Variants in HDAC4 observed in about 807,000 individuals in gnomAD.
HDAC4 encodes histone deacetylase 4, also known as histone deacetylase A.
HDAC4 carries 16 observed loss-of-function variants against 135.1 expected under a neutral mutation model. The observed-to-expected ratio is 0.12, with a 90% CI of 0.08 to 0.18. The LOEUF is 0.18. Among genes scored for constraint, HDAC4 ranks in the 10% least tolerant of loss-of-function variants. The pLI is 1.00. For synonymous variants in HDAC4, 685 were observed against 653.4 expected, an observed-to-expected ratio of 1.05 and a Z score of -0.74; for missense variants, 1,143 against 1,511.8, an observed-to-expected ratio of 0.76 and a Z score of 4.05.
rs202164452 is a variant in HDAC4 at position 239,082,180 on chromosome 2, G to C, written c.2574C>G (p.Ser858Arg). The change falls in exon 21 of 27, where the codon AGC becomes AGG. Residue 858 changes from serine to arginine, a missense_variant. Coordinates refer to ENST00000543185, the MANE Select transcript of HDAC4 (RefSeq NM_001378414.1). ...GGGACATGTACAGGACGCTGGGGTC[G>C]CTGTAGAAAGCCTGCTGGGTCCCGT... is the stretch of plus-strand genomic sequence containing the variant. ...HGNGTQQAFY[S>R]DPSVLYMSLH... 10 of 1,614,116 alleles carry C rather than the reference G, an allele frequency of 6.2e-6. No individual in the cohort carries two copies. The South Asian group carries it at 1.1e-4, about 18-fold the overall frequency.
chr2:239,263,681 C>T (rs1352624817), intron 2 of HDAC4, among the ~76,000 whole-genome samples: 1 of 152,204 alleles, frequency 6.6e-6, no homozygotes, highest in African/African-American at 2.4e-5. Context: ...TCAGGACAGT[C>T]AGGAAAGGCC....
intron 2 of HDAC4, among the ~76,000 whole-genome samples, chr2:239,249,334 C>T (rs866617115): frequency 2.6e-5 from 4 of 152,022 alleles, no homozygotes; most frequent in Non-Finnish European, 2.9e-5. Context: ...CTGCGGAAGG[C>T]GGGGGAGGCG....
At chr2:239,168,688 T>C (rs1471192888) in intron 5 of HDAC4, among the ~76,000 whole-genome samples, 1 of 152,072 alleles carries the variant, frequency 6.6e-6, no homozygotes, top group Non-Finnish European at 1.5e-5. Context: ...GACAAGAACC[T>C]CCTTCATGGG....
At chr2:239,085,483 C>G (rs1322984702) in intron 19 of HDAC4, among the ~76,000 whole-genome samples, 1 of 152,204 alleles carries the variant, frequency 6.6e-6, no homozygotes, top group Non-Finnish European at 1.5e-5. Context: ...ACGGGGAGCA[C>G]AGCGAAGAGC....
intron 1 of HDAC4, among the ~76,000 whole-genome samples, chr2:239,397,197 G>A (rs1247096329): frequency 6.6e-6 from 1 of 152,230 alleles, no homozygotes; most frequent in Non-Finnish European, 1.5e-5. Context: ...GTCACCACCA[G>A]CCTAGAAGCA....
intron 3 of HDAC4, among the ~76,000 whole-genome samples, chr2:239,217,005 T>G (rs539259471): frequency 6.6e-6 from 1 of 152,228 alleles, no homozygotes; most frequent in African/African-American, 2.4e-5. Context: ...TCCCCCAGTG[T>G]AACCCCAAAC....
chr2:239,080,263 G>A (rs953709878), intron 22 of HDAC4, among the ~76,000 whole-genome samples: 5 of 152,216 alleles, frequency 3.3e-5, no homozygotes, highest in African/African-American at 9.6e-5. Flanking sequence ...CAAGACCATG[G>A]AGACAGAGAA....
chr2:239,282,191 A>G (rs1482463882), intron 2 of HDAC4, among the ~76,000 whole-genome samples: 3 of 141,332 alleles, frequency 2.1e-5, no homozygotes, highest in African/African-American at 2.7e-5. Flanking sequence ...CACAATGTAC[A>G]CACCACTCTA....
intron 5 of HDAC4, among the ~76,000 whole-genome samples, chr2:239,170,560 G>A (rs1037367647): frequency 6.6e-6 from 1 of 152,170 alleles, no homozygotes; most frequent in African/African-American, 2.4e-5. Flanking sequence ...AACATAAACA[G>A]TATAAAGAAC....
In HDAC4 at chr2:239,371,125, G is replaced by A. The variant is rs1020955560; in HGVS notation, c.-219-18207C>T. On this transcript the variant is annotated intron_variant, in intron 1 of 26. Transcript: ENST00000543185. ...GACAGAGTCCACCTTTGTCCAGGCA[G>A]GAACCCTGCGCCTCAGGCCACCTTG... is the stretch of plus-strand genomic sequence containing the variant. Among the ~76,000 whole-genome samples, 5 of 152,236 alleles carry A rather than the reference G, an allele frequency of 3.3e-5. No homozygotes were observed. The Middle Eastern group carries it at 9.5e-3, about 289-fold the overall frequency.
intron 2 of HDAC4, among the ~76,000 whole-genome samples, chr2:239,320,115 T>C (rs903810980): frequency 1.3e-5 from 2 of 152,110 alleles, no homozygotes; most frequent in African/African-American, 2.4e-5. Flanking sequence ...GAGAAAGTGA[T>C]AAATCACCTG....
In HDAC4 at chr2:239,318,174, G is replaced by A. The variant is rs1390842653; in HGVS notation, c.22+34504C>T. Among the ~76,000 whole-genome samples, 3 of 152,242 alleles carry A rather than the reference G, an allele frequency of 2.0e-5. No individual in the cohort carries two copies. The East Asian group carries it at 5.8e-4, about 29-fold the overall frequency. ...CAGATTATCTCCCTACCAGATACCT[G>A]CTAATTATGCAGGAAACAATGTAAC... On this transcript the variant is annotated intron_variant, in intron 2 of 26. Transcript: ENST00000543185.
intron 6 of HDAC4, among the ~76,000 whole-genome samples, chr2:239,157,054 C>G (rs1277055995): frequency 6.6e-6 from 1 of 152,254 alleles, no homozygotes; most frequent in Non-Finnish European, 1.5e-5. Context: ...CTGTTCTCCA[C>G]CTGGCCCTGT....
intron 24 of HDAC4, among the ~76,000 whole-genome samples, chr2:239,065,024 G>A (rs935450986): frequency 2.6e-5 from 4 of 152,230 alleles, no homozygotes; most frequent in East Asian, 3.9e-4. Flanking sequence ...GCGGCCTGAC[G>A]TTTCCCCACC....
intron 3 of HDAC4, among the ~76,000 whole-genome samples, chr2:239,223,602 C>T (rs994307191): frequency 4.9e-4 from 75 of 152,126 alleles, no homozygotes; most frequent in African/African-American, 1.7e-3. Context: ...AATGAACACA[C>T]GGTACGTAGC....
intron 6 of HDAC4, among the ~76,000 whole-genome samples, chr2:239,159,198 C>A (rs111209900): frequency 4.6e-4 from 70 of 151,580 alleles, no homozygotes; most frequent in African/African-American, 1.6e-3. Flanking sequence ...CTACTCCCAC[C>A]CACACCTCAC....
chr2:239,068,524 G>A lies in HDAC4; in HGVS notation c.2834C>T (p.Pro945Leu), dbSNP rs1411057912. The A allele has an allele frequency of 6.2e-7, 1 of 1,613,922 alleles. No individual in the cohort carries two copies. Among genetic ancestry groups the A allele is most frequent in the South Asian group, 1.1e-5 (1 of 91,080 alleles). Residue 945 changes from proline (P) to leucine (L), a missense_variant, in exon 23 of 27, where the codon CCC becomes CTC. Physicochemically the swap from Pro to Leu is moderately conservative, Grantham distance 98 (BLOSUM62 -3). This residue lies in a region of HDAC4 where 189 missense variants were observed against 317.6 expected (regional missense o/e 0.60). Coordinates refer to ENST00000543185, the MANE Select transcript of HDAC4 (RefSeq NM_001378414.1). The surrounding 1 kb of genome is among the most constrained non-coding windows in gnomAD (Gnocchi z 4.4). ...SSGFDAVEGHPTPLGGYNLSA... is the reference protein window; with the variant it reads ...SSGFDAVEGHLTPLGGYNLSA... ...GAGGTTGTAGCCCCCAAGAGGGGTG[G>A]GGTGGCCCTCCACGGCATCGAAGCC...
At position 239,400,011 on chromosome 2, in the gene HDAC4, C is replaced by T. The variant is rs1696836527; in HGVS notation, c.-220+967G>A. On this transcript the variant is annotated intron_variant, in intron 1 of 26. Transcript: ENST00000543185. The surrounding 1 kb of genome is among the most constrained non-coding windows in gnomAD (Gnocchi z 4.7). ...ACCCCCGGCCTTTCCAACTGATACG[C>T]ACGGTCTCCTCCTATAACAGTGTCA... Among the ~76,000 whole-genome samples, 1 of 152,212 alleles carries T rather than the reference C, an allele frequency of 6.6e-6. No homozygotes were observed. Among genetic ancestry groups the T allele is most frequent in the Non-Finnish European group, 1.5e-5 (1 of 68,028 alleles).
At chr2:239,374,521 A>C (rs62180879) in intron 1 of HDAC4, among the ~76,000 whole-genome samples, 1 of 143,570 alleles carries the variant, frequency 7.0e-6, no homozygotes, top group Non-Finnish European at 1.5e-5. Context: ...CTCCTGCCTC[A>C]GCCTCCCAAG....
Sources: allele counts gnomAD v4.1 joint callset (sites outside exome capture counted in the v4.1 genomes callset), GRCh38; gene constraint gnomAD v4.1.1; regional missense constraint gnomAD v4.1.1; non-coding constraint Gnocchi (gnomAD v3.1); transcripts MANE v1.5; gene names NCBI Gene and HGNC (gene_info 2026-07-23, HGNC 2026-07-21).